The following IHO1 variants were observed in gnomAD, a reference collection of about 807,000 sequenced individuals.
IHO1 encodes the protein interactor of HORMAD1 1, also known as interactor of HORMAD1 protein 1.
Under a neutral mutation model 31.0 loss-of-function variants are expected in IHO1, and 13 were observed. The ratio of observed to expected loss-of-function variants is 0.42; its 90% confidence interval spans 0.27 to 0.67. IHO1 has a LOEUF of 0.67. IHO1 is among the 30% of genes least tolerant of loss of function. The probability of loss-of-function intolerance (pLI) is 0.24; values close to 1 mark genes in which losing one functional copy is unlikely to be tolerated. For missense variants in IHO1, 599 were observed against 687.5 expected, an observed-to-expected ratio of 0.87 and a Z score of 1.44; for synonymous variants, 221 against 248.4, an observed-to-expected ratio of 0.89 and a Z score of 1.04.
intron 2 of IHO1, among the ~76,000 whole-genome samples, chr3:49,217,618 T>C (rs1008016959): frequency 6.7e-6 from 1 of 149,564 alleles, no homozygotes; most frequent in Admixed American, 6.7e-5. Flanking sequence ...GTTGTGCACA[T>C]GTACCCTAGA....
chr3:49,254,969 A>G (rs1484088278), intron 6 of IHO1, among the ~76,000 whole-genome samples: 2 of 152,068 alleles, frequency 1.3e-5, no homozygotes, highest in African/African-American at 4.8e-5. Flanking sequence ...GAGCTGAGGC[A>G]GGAGAATCGC....
At chr3:49,205,684 T>A (rs1405731963) in intron 1 of IHO1, among the ~76,000 whole-genome samples, 1 of 150,214 alleles carries the variant, frequency 6.7e-6, no homozygotes, top group Non-Finnish European at 1.5e-5. Flanking sequence ...CATTGCAGCC[T>A]CCACCTCCTG....
chr3:49,221,678 T>C (rs942785491), intron 2 of IHO1, among the ~76,000 whole-genome samples: 16 of 152,330 alleles, frequency 1.1e-4, no homozygotes, highest in African/African-American at 3.8e-4. Flanking sequence ...CCAGGGGTCC[T>C]TGGTAGAAGT....
At position 49,256,432 on chromosome 3, in the gene IHO1, C is replaced by T; in HGVS notation, c.935C>T (p.Ser312Phe). 6.2e-7 allele frequency: 1 copy of T among 1,614,120 alleles called. No individual in the cohort carries two copies. Among genetic ancestry groups the T allele is most frequent in the Non-Finnish European group, 8.5e-7 (1 of 1,180,022 alleles). ...LPAAWNPGMG[S>F]LQPGEFDVWG... is the part of the protein sequence containing the mutation. ...GCTGCATGGAATCCTGGTATGGGCT[C>T]CCTACAGCCTGGAGAATTTGATGTC... The change falls in exon 8 of 8, where the codon TCC becomes TTC. Residue 312 changes from serine (S) to phenylalanine (F), a missense_variant. Coordinates refer to ENST00000452691, the MANE Select transcript of IHO1 (RefSeq NM_001135197.2). The surrounding 1 kb of genome is among the most constrained non-coding windows in gnomAD (Gnocchi z 4.6).
chr3:49,231,300 A>G (rs1385222083), intron 2 of IHO1, among the ~76,000 whole-genome samples: 1 of 152,210 alleles, frequency 6.6e-6, no homozygotes, highest in Non-Finnish European at 1.5e-5. Flanking sequence ...ATTCTCGATA[A>G]TCATTTTCCT....
chr3:49,221,061 A>T (rs927597522), intron 2 of IHO1, among the ~76,000 whole-genome samples: 18 of 152,172 alleles, frequency 1.2e-4, no homozygotes, highest in African/African-American at 4.1e-4. Context: ...CCCATTTTAC[A>T]GAGTGCTGAT....
intron 2 of IHO1, among the ~76,000 whole-genome samples, chr3:49,220,793 G>A (rs1047600973): frequency 5.9e-5 from 9 of 152,154 alleles, no homozygotes; most frequent in African/African-American, 1.2e-4. Context: ...GCATGAACCT[G>A]GGAGGCAGAG....
At chr3:49,198,178 C>A (rs1164304115), upstream of IHO1, among the ~76,000 whole-genome samples, 4 of 152,136 alleles carry the variant, frequency 2.6e-5, no homozygotes, top group African/African-American at 9.7e-5. Flanking sequence ...TATGGATATG[C>A]CAAATCTCTC....
intron 6 of IHO1, among the ~76,000 whole-genome samples, chr3:49,254,020 G>T (rs896696067): frequency 5.3e-5 from 8 of 151,828 alleles, no homozygotes; most frequent in Non-Finnish European, 8.8e-5. Flanking sequence ...TTTTAGTAGA[G>T]ACAGAATTTC....
At chr3:49,214,842 G>A (rs2046268850) in intron 2 of IHO1, among the ~76,000 whole-genome samples, 1 of 150,818 alleles carries the variant, frequency 6.6e-6, no homozygotes, top group Non-Finnish European at 1.5e-5. Context: ...GTTTCACCAT[G>A]TTGGAAAGTC....
chr3:49,220,232 T>C (rs2046337596), intron 2 of IHO1, among the ~76,000 whole-genome samples: 1 of 152,238 alleles, frequency 6.6e-6, no homozygotes, highest in African/African-American at 2.4e-5. Flanking sequence ...GGAAATGCCA[T>C]GAGGGTCCCG....
intron 2 of IHO1, among the ~76,000 whole-genome samples, chr3:49,235,763 C>A (rs1315540062): frequency 2.7e-5 from 4 of 150,924 alleles, no homozygotes; most frequent in Non-Finnish European, 4.4e-5. Context: ...AACCCCATCT[C>A]TATTAAAAAT....
chr3:49,213,391 T>C (rs2046246364), intron 2 of IHO1, among the ~76,000 whole-genome samples: 1 of 152,184 alleles, frequency 6.6e-6, no homozygotes, highest in Non-Finnish European at 1.5e-5. Flanking sequence ...AGACACAGAG[T>C]GCTGATTGGT....
chr3:49,220,025 AG>A (rs1349011296), intron 2 of IHO1, among the ~76,000 whole-genome samples: 1 of 152,154 alleles, frequency 6.6e-6, no homozygotes, highest in Non-Finnish European at 1.5e-5. Flanking sequence ...TCTTTTCCGG[AG>A]GACACTGGGT....
intron 3 of IHO1, among the ~76,000 whole-genome samples, chr3:49,238,494 T>C (rs531192114): frequency 1.3e-5 from 2 of 152,230 alleles, no homozygotes; most frequent in South Asian, 4.2e-4. Context: ...TTTATACACA[T>C]TTCTGAAAGG....
At chr3:49,234,081 GAA>G (rs1028590734) in intron 2 of IHO1, among the ~76,000 whole-genome samples, 1 of 140,852 alleles carries the variant, frequency 7.1e-6, no homozygotes, top group African/African-American at 2.6e-5. Flanking sequence ...TCGGGGCTGA[GAA>G]AAAAAAGGAA....
rs762562576 is a variant in IHO1, at chr3:49,257,579, G to A, written c.*297G>A. On this transcript the variant is annotated 3_prime_UTR_variant, in exon 8 of 8. Coordinates refer to ENST00000452691, the MANE Select transcript of IHO1 (RefSeq NM_001135197.2). ...TGGAGCAGGGTGCCTGTACTTTGGCGAAAGGCAGGCAGGCCTCCTTATGGA... is the reference window on the plus strand; with the variant it reads ...TGGAGCAGGGTGCCTGTACTTTGGCAAAAGGCAGGCAGGCCTCCTTATGGA... 1.3e-4 allele frequency: 44 copies of A among 331,438 alleles called. No individual in the cohort carries two copies. Among genetic ancestry groups the A allele is most frequent in the Non-Finnish European group, 1.9e-4 (33 of 178,044 alleles). The allele number at this position is 331,438 out of a possible 1,614,324, so 20.5% of individuals were successfully genotyped here.
At position 49,223,936 on chromosome 3, in the gene IHO1, C is replaced by G. The variant is rs556027241; in HGVS notation, c.56+12100C>G. On this transcript the variant is annotated intron_variant, in intron 2 of 7. Coordinates refer to ENST00000452691, the MANE Select transcript of IHO1 (RefSeq NM_001135197.2). ...GATAGTGACCTATTCTTTGTTCCCC[C>G]AAAGGGACCTTACGATGGACCAAAG... 7.9e-5 allele frequency among the ~76,000 whole-genome samples: 12 copies of G among 152,224 alleles called. No homozygotes were observed. In the South Asian group the frequency reaches 2.3e-3, roughly 29 times the overall value.
intron 1 of IHO1, among the ~76,000 whole-genome samples, chr3:49,200,745 A>T (rs544901830): frequency 6.6e-6 from 1 of 152,132 alleles, no homozygotes; most frequent in East Asian, 1.9e-4. Flanking sequence ...TAATCTGTGC[A>T]TTTCAGTTTT....
Sources: allele counts gnomAD v4.1 joint callset (sites outside exome capture counted in the v4.1 genomes callset), GRCh38; gene constraint gnomAD v4.1.1; non-coding constraint Gnocchi (gnomAD v3.1); transcripts MANE v1.5; gene names NCBI Gene and HGNC (gene_info 2026-07-23, HGNC 2026-07-21).